ZNF385D: variants seen among roughly 807,000 people sequenced by gnomAD.
ZNF385D encodes zinc finger protein 385D.
A neutral mutation model predicts 35.8 loss-of-function variants in ZNF385D; 15 were observed. The ratio of observed to expected loss-of-function variants is 0.42; its 90% CI spans 0.28 to 0.64. The LOEUF (loss-of-function observed/expected upper bound fraction) is 0.64, where lower values mean the gene tolerates loss of function less well. Ranked by LOEUF, ZNF385D falls within the 30% of genes least tolerant of loss-of-function variation. The probability of loss-of-function intolerance (pLI) is 0.23; values close to 1 mark genes in which losing one functional copy is unlikely to be tolerated. For synonymous variants in ZNF385D, 212 were observed against 186.8 expected, an observed-to-expected ratio of 1.13 and a Z score of -1.10; for missense variants, 474 against 494.6, an observed-to-expected ratio of 0.96 and a Z score of 0.39.
chr3:21,458,479 C>A (rs1702964352), intron 4 of ZNF385D, among the ~76,000 whole-genome samples: 1 of 151,284 alleles, frequency 6.6e-6, no homozygotes. Context: ...AAGACCATGT[C>A]TCAAGGAGAA....
At chr3:22,173,253 G>A (rs73145030) in intron 2 of ZNF385D, among the ~76,000 whole-genome samples, 3,281 of 152,120 alleles carry the variant, frequency 0.022, 132 homozygotes, top group African/African-American at 0.075. Flanking sequence ...TCCTGGATGG[G>A]GCCTTGAAAT....
intron 3 of ZNF385D, among the ~76,000 whole-genome samples, chr3:21,817,552 C>A (rs1054908639): frequency 6.6e-6 from 1 of 151,784 alleles, no homozygotes; most frequent in African/African-American, 2.4e-5. Flanking sequence ...GACATTTATG[C>A]AGCCAACAGA....
rs561896018 is a variant in ZNF385D at position 22,224,133 on chromosome 3, G to A, written c.107-55098C>T. On this transcript the variant is annotated intron_variant, in intron 2 of 5. Transcript: ENST00000494108. Reference sequence around the variant, plus strand: ...CTGGTCATGAATTTGACCCTCAAAAGAAAGAATGAGGAGAAAGAACATTTG... The same window carrying A: ...CTGGTCATGAATTTGACCCTCAAAAAAAAGAATGAGGAGAAAGAACATTTG... Among the ~76,000 whole-genome samples the A allele has an allele frequency of 5.9e-5, 9 of 152,144 alleles. No homozygotes were observed. The East Asian group carries it at 1.7e-3, about 29-fold the overall frequency.
intron 1 of ZNF385D, among the ~76,000 whole-genome samples, chr3:21,693,084 C>A (rs1247096925): frequency 6.6e-6 from 1 of 152,182 alleles, no homozygotes; most frequent in African/African-American, 2.4e-5. Context: ...CAGAGAACTC[C>A]TTGCCTACAA....
At chr3:21,442,886 AGTGT>A (rs4045435) in intron 4 of ZNF385D, among the ~76,000 whole-genome samples, 59 of 147,248 alleles carry the variant, frequency 4.0e-4, no homozygotes, top group Non-Finnish European at 6.1e-4. Context: ...TCTGTGTATA[AGTGT>A]GTGTGTGTGT....
chr3:21,561,269 G>A (rs575227463), intron 3 of ZNF385D, among the ~76,000 whole-genome samples: 13 of 152,324 alleles, frequency 8.5e-5, no homozygotes, highest in African/African-American at 2.9e-4. Flanking sequence ...TTAGGGCCCT[G>A]GTGGTGTAGG....
chr3:21,751,286 A>ACTGC, upstream of ZNF385D: 1 of 1,080,456 alleles, frequency 9.3e-7, no homozygotes. Flanking sequence ...AGGTGCTCCG[A>ACTGC]CTGCCTGCCT....
At chr3:21,850,348 A>G (rs997808832) in intron 3 of ZNF385D, among the ~76,000 whole-genome samples, 3 of 152,124 alleles carry the variant, frequency 2.0e-5, no homozygotes, top group African/African-American at 4.8e-5. Flanking sequence ...AAGCCCTACA[A>G]TCACGACAGC....
chr3:21,764,249 C>T (rs1026798993), intron 3 of ZNF385D, among the ~76,000 whole-genome samples: 1 of 152,032 alleles, frequency 6.6e-6, no homozygotes, highest in Non-Finnish European at 1.5e-5. Context: ...CTAGAAGATG[C>T]TCAATAAGGA....
chr3:21,755,163 C>T (rs2070284554), upstream of ZNF385D, among the ~76,000 whole-genome samples: 3 of 152,320 alleles, frequency 2.0e-5, no homozygotes, highest in Admixed American at 6.5e-5. Context: ...TCCATTGCCT[C>T]GCCCTTGGCT....
intron 3 of ZNF385D, among the ~76,000 whole-genome samples, chr3:21,907,526 AT>A (rs1350672207): frequency 6.6e-6 from 1 of 152,170 alleles, no homozygotes; most frequent in Non-Finnish European, 1.5e-5. Flanking sequence ...GGTATTTCCC[AT>A]TTTTTTGTTA....
At position 21,642,604 on chromosome 3, in the gene ZNF385D, T is replaced by C. The variant is rs2065639970; in HGVS notation, c.165+22282A>G. Among the ~76,000 whole-genome samples the C allele has an allele frequency of 2.0e-5, 3 of 152,134 alleles. No homozygotes were observed. In the South Asian group the frequency reaches 6.2e-4, roughly 31 times the overall value. ...GAGAAAGCAGAGACTTCTGAGTATA[T>C]ACTTAACAGTATCGAAAGTGGTGAC... On this transcript the variant is annotated intron_variant, in intron 2 of 7. Transcript: ENST00000281523.
intron 2 of ZNF385D, among the ~76,000 whole-genome samples, chr3:22,323,862 G>A (rs1694555168): frequency 6.6e-6 from 1 of 152,128 alleles, no homozygotes; most frequent in South Asian, 2.1e-4. Context: ...GAGGAAAATT[G>A]CTAAAAGTCA....
At chr3:21,609,370 G>C (rs780702026) in intron 2 of ZNF385D, among the ~76,000 whole-genome samples, 1 of 152,150 alleles carries the variant, frequency 6.6e-6, no homozygotes, top group East Asian at 1.9e-4. Context: ...GAAAAAAAGT[G>C]TTCAGAAGTC....
chr3:21,667,432 G>A (rs1234340390), intron 1 of ZNF385D, among the ~76,000 whole-genome samples: 1 of 152,154 alleles, frequency 6.6e-6, no homozygotes, highest in Admixed American at 6.5e-5. Flanking sequence ...AAAGTGCTGG[G>A]ATTACAGGTG....
At position 22,291,559 on chromosome 3, in the gene ZNF385D, T is replaced by C. The variant is rs533912189; in HGVS notation, c.106+80891A>G. 6.6e-5 allele frequency among the ~76,000 whole-genome samples: 10 copies of C among 152,176 alleles called. No individual in the cohort carries two copies. The East Asian group carries it at 1.2e-3, about 18-fold the overall frequency. On this transcript the variant is annotated intron_variant, in intron 2 of 5. Transcript: ENST00000494108. The stretch of plus-strand genomic sequence containing the variant: ...TTTATTTCTAATATATTTTAGTTGA[T>C]TTAGTGTATTATTTGCAAACAATGA...
chr3:21,893,946 C>T (rs1251074221), intron 3 of ZNF385D, among the ~76,000 whole-genome samples: 1 of 152,118 alleles, frequency 6.6e-6, no homozygotes, highest in African/African-American at 2.4e-5. Context: ...TAAACATAAT[C>T]ATTGCCTTAG....
At chr3:22,073,442 G>T (rs1474145671) in intron 3 of ZNF385D, among the ~76,000 whole-genome samples, 2 of 151,752 alleles carry the variant, frequency 1.3e-5, no homozygotes, top group African/African-American at 2.4e-5. Context: ...TAGGGGAAAA[G>T]AACTTTAAAC....
At chr3:22,372,525 T>G in exon 2 of ZNF385D, 1 of 985,732 alleles carries the variant, frequency 1.0e-6, no homozygotes, top group Non-Finnish European at 1.2e-6. Context: ...ATTCTCCTGC[T>G]GGCGGCCGCC....
Sources: allele counts gnomAD v4.1 joint callset (sites outside exome capture counted in the v4.1 genomes callset), GRCh38; gene constraint gnomAD v4.1.1; transcripts MANE v1.5; gene names NCBI Gene and HGNC (gene_info 2026-07-23, HGNC 2026-07-21).